The following CNGB3 variants were observed in gnomAD, a reference collection of about 807,000 sequenced individuals.
CNGB3 encodes the protein cyclic nucleotide-gated channel beta-3.
Under a neutral mutation model 92.8 loss-of-function variants are expected in CNGB3, and 86 were observed. That is an observed-to-expected ratio of 0.93 (90% CI 0.78 to 1.11). The LOEUF (loss-of-function observed/expected upper bound fraction) is 1.11, where lower values mean the gene tolerates loss of function less well. CNGB3 is among the 50% of genes least tolerant of loss of function. CNGB3 has a pLI of 0.00. For synonymous variants in CNGB3, 333 were observed against 332.7 expected, an observed-to-expected ratio of 1.00 and a Z score of -0.01; for missense variants, 1,026 against 956.8, an observed-to-expected ratio of 1.07 and a Z score of -0.95.
Position 86,586,341 on chromosome 8 carries a change from T to A in CNGB3, c.1782-7089A>T, listed in dbSNP as rs981907410. On this transcript the variant is annotated intron_variant, in intron 15 of 17. Transcript: ENST00000320005. ...AATAGATAATATTTTTTTTTAAATT[T>A]TTTTTTAATTATACTTTAAGTTTTA... 1.1e-4 allele frequency among the ~76,000 whole-genome samples: 17 copies of A among 152,282 alleles called. No individual in the cohort carries two copies. In the East Asian group the frequency reaches 3.3e-3, roughly 29 times the overall value.
At chr8:86,631,912 G>C (rs1391283107) in intron 11 of CNGB3, among the ~76,000 whole-genome samples, 2 of 152,116 alleles carry the variant, frequency 1.3e-5, no homozygotes, top group African/African-American at 4.8e-5. Flanking sequence ...GGTTAGAGAT[G>C]GTGGCCAAAT....
rs1563711116 is a variant in CNGB3, at chr8:86,575,834, A to T, written c.2400T>A (p.Thr800=). 3 of 1,613,880 alleles carry T rather than the reference A, an allele frequency of 1.9e-6. No homozygotes were observed. ...PSAEGGEEVL[T]IEVKEKAKQ is the part of the protein sequence containing the mutation. ...GCTTAGCCTTTTCTTTGACTTCAAT[A>T]GTAAGAACCTCTTCTCCGCCCTCAG... The change falls in exon 18 of 18, where the codon ACT becomes ACA. Residue 800 remains threonine (T), a synonymous_variant. Coordinates refer to ENST00000320005, the MANE Select transcript of CNGB3 (RefSeq NM_019098.5).
intron 2 of CNGB3, among the ~76,000 whole-genome samples, chr8:86,735,565 C>A (rs1825236962): frequency 6.6e-6 from 1 of 152,090 alleles, no homozygotes; most frequent in African/African-American, 2.4e-5. Context: ...TCCTTTCTTT[C>A]TTTTCCAGCT....
chr8:86,635,732 T>C (rs936574490), intron 10 of CNGB3, among the ~76,000 whole-genome samples: 18 of 149,916 alleles, frequency 1.2e-4, no homozygotes, highest in Non-Finnish European at 2.2e-4. Context: ...CCCAGTCAGA[T>C]AGATCTTTTC....
chr8:86,594,538 T>C, intron 15 of CNGB3: 1 of 332,998 alleles, frequency 3.0e-6, no homozygotes. Flanking sequence ...CTTGGTCCAC[T>C]TCAGGTCGGT....
chr8:86,698,168 C>G (rs1824486582), intron 3 of CNGB3, among the ~76,000 whole-genome samples: 1 of 152,138 alleles, frequency 6.6e-6, no homozygotes, highest in Non-Finnish European at 1.5e-5. Context: ...TATATCATAT[C>G]CCTCTTTGAA....
chr8:86,602,780 T>C (rs1822333105), intron 15 of CNGB3, among the ~76,000 whole-genome samples: 1 of 152,220 alleles, frequency 6.6e-6, no homozygotes, highest in Non-Finnish European at 1.5e-5. Context: ...CTTTTCCACA[T>C]AGCTGTTGAA....
At chr8:86,697,102 C>T (rs992933278) in intron 3 of CNGB3, among the ~76,000 whole-genome samples, 1 of 152,088 alleles carries the variant, frequency 6.6e-6, no homozygotes, top group Non-Finnish European at 1.5e-5. Flanking sequence ...AACAAACTGG[C>T]AAGATGAAGT....
intron 3 of CNGB3, among the ~76,000 whole-genome samples, chr8:86,674,947 G>A (rs1823937261): frequency 1.4e-5 from 1 of 71,040 alleles, no homozygotes; most frequent in East Asian, 4.5e-4. Context: ...TCTTTTTGTT[G>A]TTGTTGTTGT....
chr8:86,699,109 C>A (rs1239162602), intron 3 of CNGB3, among the ~76,000 whole-genome samples: 1 of 152,040 alleles, frequency 6.6e-6, no homozygotes, highest in African/African-American at 2.4e-5. Context: ...TAGAGTACAC[C>A]TTTATATTTT....
intron 3 of CNGB3, among the ~76,000 whole-genome samples, chr8:86,720,351 C>T (rs1258945785): frequency 3.3e-5 from 5 of 152,022 alleles, no homozygotes; most frequent in Admixed American, 1.3e-4. Context: ...CATGAATAGA[C>T]AATTCTCAAA....
At chr8:86,716,941 T>C (rs1221719065) in intron 3 of CNGB3, among the ~76,000 whole-genome samples, 2 of 152,116 alleles carry the variant, frequency 1.3e-5, no homozygotes, top group African/African-American at 4.8e-5. Context: ...TGGATAATAA[T>C]TCACCAACAA....
At chr8:86,576,530 T>TA (rs1259780349) in intron 17 of CNGB3, among the ~76,000 whole-genome samples, 1 of 152,216 alleles carries the variant, frequency 6.6e-6, no homozygotes, top group Non-Finnish European at 1.5e-5. Flanking sequence ...TATATAAAAA[T>TA]ACTGTAAAAA....
chr8:86,692,714 C>A lies in CNGB3; in HGVS notation c.339-21616G>T, dbSNP rs544931451. 5.3e-5 allele frequency among the ~76,000 whole-genome samples: 8 copies of A among 152,182 alleles called. 1 individual carries two copies. The East Asian group carries it at 1.2e-3, about 22-fold the overall frequency. Reference sequence around the variant, plus strand: ...GTATCTTTTAAGCGGAGCATTTAGGCCATTTACATTCAATATTAGTATTGA... The same window carrying A: ...GTATCTTTTAAGCGGAGCATTTAGGACATTTACATTCAATATTAGTATTGA... On this transcript the variant is annotated intron_variant, in intron 3 of 17. Transcript: ENST00000320005.
chr8:86,684,388 T>A (rs748995359), intron 3 of CNGB3, among the ~76,000 whole-genome samples: 10 of 152,112 alleles, frequency 6.6e-5, no homozygotes, highest in Non-Finnish European at 1.5e-4. Flanking sequence ...ACTCATACAC[T>A]GCTGCTTGGA....
Position 86,574,478 on chromosome 8 carries a change from C to T in CNGB3, c.*1326G>A, listed in dbSNP as rs944484004. 2.0e-5 allele frequency: 3 copies of T among 152,180 alleles called. No homozygotes were observed. The highest frequency in any genetic ancestry group is 2.0e-4 in the Admixed American group (3 of 15,280). The allele number at this position is 152,180 out of a possible 1,614,324, so 9.4% of individuals were successfully genotyped here. A position where few individuals can be genotyped will look rare whatever the true frequency, so the allele number is the denominator to read the frequency against. On this transcript the variant is annotated 3_prime_UTR_variant, in exon 18 of 18. Coordinates refer to ENST00000320005, the MANE Select transcript of CNGB3 (RefSeq NM_019098.5). The stretch of plus-strand genomic sequence containing the variant: ...CTTGTTATATTTTGTGATACTCTAA[C>T]ACTACATGCAAAAACGGTGACTCTA...
chr8:86,622,223 G>A (rs1319105052), intron 13 of CNGB3, among the ~76,000 whole-genome samples: 1 of 152,114 alleles, frequency 6.6e-6, no homozygotes, highest in Non-Finnish European at 1.5e-5. Context: ...TTACAGTTGA[G>A]TGTTATTTTG....
intron 10 of CNGB3, among the ~76,000 whole-genome samples, chr8:86,637,044 G>A (rs1823085882): frequency 6.6e-6 from 1 of 152,132 alleles, no homozygotes; most frequent in South Asian, 2.1e-4. Context: ...TTTGGCTATT[G>A]CGAATAATGC....
At chr8:86,688,495 C>A (rs1824232557) in intron 3 of CNGB3, among the ~76,000 whole-genome samples, 1 of 151,956 alleles carries the variant, frequency 6.6e-6, no homozygotes, top group Non-Finnish European at 1.5e-5. Flanking sequence ...TTTCAAGACG[C>A]CAAGTAGGAA....
Sources: gnomAD v4.1 joint callset for allele counts (sites outside exome capture counted in the v4.1 genomes callset) on GRCh38, gnomAD v4.1.1 for gene constraint, MANE v1.5 for transcripts, NCBI Gene and HGNC (gene_info 2026-07-23, HGNC 2026-07-21) for gene names.